TNXB: variants seen among roughly 807,000 people sequenced by gnomAD.
The protein encoded by TNXB is tenascin XB, also known as tenascin-X.
A neutral mutation model predicts 340.5 loss-of-function variants in TNXB; 183 were observed. That is an observed-to-expected ratio of 0.54 (90% CI 0.48 to 0.61). The LOEUF (loss-of-function observed/expected upper bound fraction) is 0.61, where lower values mean the gene tolerates loss of function less well. Among genes scored for constraint, TNXB ranks in the 20% least tolerant of loss-of-function variants. The pLI is 0.00. For synonymous variants in TNXB, 2,121 were observed against 2,314.5 expected, an observed-to-expected ratio of 0.92 and a Z score of 2.40; for missense variants, 4,613 against 5,446.4, an observed-to-expected ratio of 0.85 and a Z score of 4.82.
At position 32,068,510 on chromosome 6, in the gene TNXB, G is replaced by T; in HGVS notation, c.6100C>A (p.Pro2034Thr). The part of the protein sequence containing the change: ...GDGQPKAVRV[P>T]GHEEGVTISG... Reference sequence around the variant, plus strand: ...ATGGTGACCCCTTCCTCGTGCCCTGGCACCCTCACTGCCTTGGGCTGCCCA... The same window carrying T: ...ATGGTGACCCCTTCCTCGTGCCCTGTCACCCTCACTGCCTTGGGCTGCCCA... Residue 2034 changes from proline (P) to threonine (T), a missense_variant, in exon 17 of 44, where the codon CCA becomes ACA. Pro to Thr is a conservative substitution (Grantham distance 38). Transcript: ENST00000644971. The surrounding 1 kb of genome is among the most constrained non-coding windows in gnomAD (Gnocchi z 5.3). 1 of 1,613,916 alleles carries T rather than the reference G, an allele frequency of 6.2e-7. No individual in the cohort carries two copies. The highest frequency in any genetic ancestry group is 8.5e-7 in the Non-Finnish European group (1 of 1,179,902).
Position 32,043,500 on chromosome 6 carries a change from G to T in TNXB, c.11587C>A (p.Leu3863Met). 1.4e-6 allele frequency: 1 copy of T among 704,286 alleles called. No homozygotes were observed. Among genetic ancestry groups the T allele is most frequent in the South Asian group, 1.6e-5 (1 of 61,820 alleles). The allele number at this position is 704,286 out of a possible 1,614,324, so 43.6% of individuals were successfully genotyped here. Residue 3863 changes from leucine to methionine, a missense_variant, in exon 36 of 44, where the codon CTG becomes ATG. By Grantham distance (15) the Leu-to-Met change is conservative. This residue lies in a region of TNXB where 114 missense variants were observed against 104.5 expected (regional missense o/e 1.09). Coordinates refer to ENST00000644971, the MANE Select transcript of TNXB (RefSeq NM_001365276.2). ...GGATTCTGGGGGGGCTTCCAGTGCA[G>T]CACGGCGAATCCCTCGGTCAAGTTC... ...ALNLTEGFAV[L>M]HWKPPQNPVD...
Position 32,058,382 on chromosome 6 carries a change from C to T in TNXB, c.7501G>A (p.Glu2501Lys), listed in dbSNP as rs1274678608. The change falls in exon 22 of 44, where the codon GAG becomes AAG. Residue 2501 changes from glutamate (E) to lysine (K), a missense_variant. This residue lies in a region of TNXB where 4,327 missense variants were observed against 4,859.4 expected (regional missense o/e 0.89). Transcript: ENST00000644971. This position sits in a 1 kb window ranked among gnomAD's most constrained non-coding sequence, Gnocchi z 5.1. ...GGGCTGGGGGTCTCGTCCACATCCT[C>T]TTGTGGGGCTGAAAGGTAATATAGG... is the stretch of plus-strand genomic sequence containing the variant. ...VSTVGVTAPQ[E>K]DVDETPSPTE... is the part of the protein sequence containing the mutation. 1 of 1,601,152 alleles carries T rather than the reference C, an allele frequency of 6.2e-7. No individual in the cohort carries two copies. The highest frequency in any genetic ancestry group is 8.5e-7 in the Non-Finnish European group (1 of 1,174,258).
Position 32,049,605 on chromosome 6 carries a change from G to A in TNXB, c.9440-18C>T. Reference sequence around the variant, plus strand: ...CTCTTCCTCTGCAGTGGAGAAGGAGGGAGAGAGAGTGAGGGGGATGTCCTT... The same window carrying A: ...CTCTTCCTCTGCAGTGGAGAAGGAGAGAGAGAGAGTGAGGGGGATGTCCTT... On this transcript the variant is annotated intron_variant, in intron 27 of 43. Coordinates refer to ENST00000644971, the MANE Select transcript of TNXB (RefSeq NM_001365276.2). The surrounding 1 kb of genome is among the most constrained non-coding windows in gnomAD (Gnocchi z 4.5). 1 of 1,605,194 alleles carries A rather than the reference G, an allele frequency of 6.2e-7. No homozygotes were observed. Among genetic ancestry groups the A allele is most frequent in the South Asian group, 1.1e-5 (1 of 90,898 alleles).
In TNXB at chr6:32,064,785, T is replaced by A. The variant is rs892026724; in HGVS notation, c.6841+36A>T. On this transcript the variant is annotated intron_variant, in intron 19 of 43. Coordinates refer to ENST00000644971, the MANE Select transcript of TNXB (RefSeq NM_001365276.2). The surrounding 1 kb of genome is among the most constrained non-coding windows in gnomAD (Gnocchi z 5.3). ...ACAATAAAAGGGAAACTGAGTCTAG[T>A]TCAGGGCAGGGCCCAGTGCCCTACT... is the stretch of plus-strand genomic sequence containing the variant. The A allele has an allele frequency of 8.1e-6, 13 of 1,595,438 alleles. No homozygotes were observed. Among genetic ancestry groups the A allele is most frequent in the Non-Finnish European group, 1.1e-5 (13 of 1,170,572 alleles).
chr6:32,099,701 G>A (rs1456798275), intron 1 of TNXB, among the ~76,000 whole-genome samples: 1 of 149,674 alleles, frequency 6.7e-6, no homozygotes, highest in African/African-American at 2.5e-5. Flanking sequence ...CTCTCAACTG[G>A]ATCCTTGCTC....
chr6:32,088,647 C>A, intron 6 of TNXB, 138 bp downstream of exon 6: 1 of 1,275,094 alleles, frequency 7.8e-7, no homozygotes, highest in Non-Finnish European at 1.1e-6. Context: ...GAGCAAGGCC[C>A]CCAGCAGGTG....
chr6:32,088,885 C>A lies in TNXB; in HGVS notation c.2679G>T (p.Thr893=). Residue 893 remains threonine (T), a synonymous_variant, in exon 6 of 44, where the codon ACG becomes ACT. Coordinates refer to ENST00000644971, the MANE Select transcript of TNXB (RefSeq NM_001365276.2). ...RLEVPPEADG[T]LLTDLMPGVE... Reference sequence around the variant, plus strand: ...CGCCTGGCATCAGGTCAGTCAGCAGCGTCCCGTCTGCTTCAGGGGGCACTT... The same window carrying A: ...CGCCTGGCATCAGGTCAGTCAGCAGAGTCCCGTCTGCTTCAGGGGGCACTT... 6.3e-7 allele frequency: 1 copy of A among 1,588,378 alleles called. No individual in the cohort carries two copies. Among genetic ancestry groups the A allele is most frequent in the Non-Finnish European group, 8.6e-7 (1 of 1,167,500 alleles).
rs546548766 is a variant in TNXB at position 32,108,851 on chromosome 6, C to T, written c.-9+330G>A. 6.6e-6 allele frequency among the ~76,000 whole-genome samples: 1 copy of T among 152,248 alleles called. No individual in the cohort carries two copies. Among genetic ancestry groups the T allele is most frequent in the South Asian group, 2.1e-4 (1 of 4,828 alleles). On this transcript the variant is annotated intron_variant, in intron 1 of 43. Transcript: ENST00000644971. The surrounding 1 kb of genome is among the most constrained non-coding windows in gnomAD (Gnocchi z 4.8). ...GCACCTCCAGGGCCCAGGGGCTCAC[C>T]TCACCAATAACCACCTCTACCCTGG... is the stretch of plus-strand genomic sequence containing the variant.
At position 32,079,699 on chromosome 6, in the gene TNXB, C is replaced by A. The variant is rs929496048; in HGVS notation, c.4043-334G>T. Among the ~76,000 whole-genome samples the A allele has an allele frequency of 1.3e-5, 2 of 152,194 alleles. No individual in the cohort carries two copies. Among genetic ancestry groups the A allele is most frequent in the African/African-American group, 4.8e-5 (2 of 41,448 alleles). ...TGAGGCCTCTTCCTACCTGTGCCCT[C>A]CCCAGGGCACTCTGGCTGCCCCACC... On this transcript the variant is annotated intron_variant, in intron 10 of 43. Transcript: ENST00000644971. The surrounding 1 kb of genome is among the most constrained non-coding windows in gnomAD (Gnocchi z 7.1).
rs1248078921 is a variant in TNXB at position 32,065,939 on chromosome 6, C to A, written c.6545-822G>T. ...TGCTGGGATTACAAGCGTGAACCACCTCACCTGGCCATATTGTGGATTTTT... is the reference window on the plus strand; with the variant it reads ...TGCTGGGATTACAAGCGTGAACCACATCACCTGGCCATATTGTGGATTTTT... On this transcript the variant is annotated intron_variant, in intron 18 of 43. Transcript: ENST00000644971. 2.6e-5 allele frequency among the ~76,000 whole-genome samples: 4 copies of A among 152,064 alleles called. No homozygotes were observed. The East Asian group carries it at 7.7e-4, about 29-fold the overall frequency.
At chr6:32,104,284 A>C (rs1780869574) in intron 1 of TNXB, among the ~76,000 whole-genome samples, 1 of 152,160 alleles carries the variant, frequency 6.6e-6, no homozygotes, top group South Asian at 2.1e-4. Context: ...CCAATTTGTA[A>C]AACACCCCAG....
In TNXB at chr6:32,067,793, C is replaced by A. The variant is rs1013725681; in HGVS notation, c.6412G>T (p.Val2138Leu). The change falls in exon 18 of 44, where the codon GTG becomes TTG. Residue 2138 changes from valine to leucine, a missense_variant. By Grantham distance (32) the Val-to-Leu change is conservative. Transcript: ENST00000644971. The surrounding 1 kb of genome is among the most constrained non-coding windows in gnomAD (Gnocchi z 4.2). ...CTCTCCTCGCCCCCAACACGCACCACCTGGGGCCGCCCGTCCCTGTCCTTG... is the reference window on the plus strand; with the variant it reads ...CTCTCCTCGCCCCCAACACGCACCAACTGGGGCCGCCCGTCCCTGTCCTTG... ...QYKDRDGRPQ[V>L]VRVGGEESEV... 6.2e-7 allele frequency: 1 copy of A among 1,613,550 alleles called. No homozygotes were observed. Among genetic ancestry groups the A allele is most frequent in the Non-Finnish European group, 8.5e-7 (1 of 1,179,896 alleles).
chr6:32,086,016 T>C lies in TNXB; in HGVS notation c.2882A>G (p.Gln961Arg), dbSNP rs551174904. Residue 961 changes from glutamine to arginine, a missense_variant, in exon 7 of 44, where the codon CAG (glutamine) becomes CGG (arginine). Transcript: ENST00000644971. ...CAGCACCCTCAACTCTCCCAGCTCC[T>C]GGGGGCGCTGCTGCAGGAGAGGAGC... Reference protein sequence around the residue: ...AQAPLLQQRPQELGELRVLGR... With the variant: ...AQAPLLQQRPRELGELRVLGR... The C allele has an allele frequency of 2.1e-5, 33 of 1,606,302 alleles. No individual in the cohort carries two copies. The East Asian group carries it at 4.2e-4, about 21-fold the overall frequency.
At position 32,108,749 on chromosome 6, in the gene TNXB, G is replaced by A. The variant is rs570446523; in HGVS notation, c.-9+432C>T. Among the ~76,000 whole-genome samples the A allele has an allele frequency of 6.6e-6, 1 of 152,244 alleles. No homozygotes were observed. Among genetic ancestry groups the A allele is most frequent in the African/African-American group, 2.4e-5 (1 of 41,528 alleles). On this transcript the variant is annotated intron_variant, in intron 1 of 43. Coordinates refer to ENST00000644971, the MANE Select transcript of TNXB (RefSeq NM_001365276.2). The surrounding 1 kb of genome is among the most constrained non-coding windows in gnomAD (Gnocchi z 4.8). The stretch of plus-strand genomic sequence containing the variant: ...GCTCAGCTGCTCTAGCCCGACATTT[G>A]GGATTCCGCAAGCACTTTCCTTCCA...
rs149995364 is a variant in TNXB at position 32,084,439 on chromosome 6, C to T, written c.3419G>A (p.Gly1140Asp). 0.011 allele frequency: 18,137 copies of T among 1,595,588 alleles called. 307 individuals are homozygous for T. Among genetic ancestry groups the T allele is most frequent in the Admixed American group, 0.036 (2,163 of 59,844 alleles). The change falls in exon 8 of 44, where the codon GGT (glycine) becomes GAT (aspartate). Residue 1140 changes from glycine (G) to aspartate (D), a missense_variant. This residue lies in a region of TNXB where 4,327 missense variants were observed against 4,859.4 expected (regional missense o/e 0.89). Transcript: ENST00000644971. This position sits in a 1 kb window ranked among gnomAD's most constrained non-coding sequence, Gnocchi z 5.5. Reference sequence around the variant, plus strand: ...GATCTTGGCTTCAGCCACCAGCGGACCATGCCTCTTCTTGCCAACAAACCC... The same window carrying T: ...GATCTTGGCTTCAGCCACCAGCGGATCATGCCTCTTCTTGCCAACAAACCC... ...LYGFVGKKRHGPLVAEAKILP... is the reference protein window; with the variant it reads ...LYGFVGKKRHDPLVAEAKILP...
In TNXB at chr6:32,085,550, T is replaced by G. The variant is rs534132438; in HGVS notation, c.3148+200A>C. Among the ~76,000 whole-genome samples, 1 of 152,262 alleles carries G rather than the reference T, an allele frequency of 6.6e-6. No individual in the cohort carries two copies. Among genetic ancestry groups the G allele is most frequent in the South Asian group, 2.1e-4 (1 of 4,814 alleles). The stretch of plus-strand genomic sequence containing the variant: ...TTTCCCCTCTCCCCACCCATCCTTA[T>G]CATTGTTTTAAGATCCCCCTCGATC... On this transcript the variant is annotated intron_variant, in intron 7 of 43. Coordinates refer to ENST00000644971, the MANE Select transcript of TNXB (RefSeq NM_001365276.2). This position sits in a 1 kb window ranked among gnomAD's most constrained non-coding sequence, Gnocchi z 6.4.
chr6:32,064,796 G>A lies in TNXB; in HGVS notation c.6841+25C>T, dbSNP rs1778231419. The stretch of plus-strand genomic sequence containing the variant: ...GAAACTGAGTCTAGTTCAGGGCAGG[G>A]CCCAGTGCCCTACTGCACACTCACC... On this transcript the variant is annotated intron_variant, in intron 19 of 43. Coordinates refer to ENST00000644971, the MANE Select transcript of TNXB (RefSeq NM_001365276.2). The surrounding 1 kb of genome is among the most constrained non-coding windows in gnomAD (Gnocchi z 5.3). 1.9e-6 allele frequency: 3 copies of A among 1,602,654 alleles called. No individual in the cohort carries two copies. Among genetic ancestry groups the A allele is most frequent in the Admixed American group, 1.7e-5 (1 of 59,902 alleles).
Position 32,043,764 on chromosome 6 carries a change from C to G in TNXB, c.11515G>C (p.Gly3839Arg), listed in dbSNP as rs561108689. 5.6e-6 allele frequency: 9 copies of G among 1,613,512 alleles called. No individual in the cohort carries two copies. In the East Asian group the frequency reaches 6.7e-5, roughly 12 times the overall value. The change falls in exon 35 of 44, where the codon GGC becomes CGC. Residue 3839 changes from glycine (G) to arginine (R), a missense_variant. This residue lies in a region of TNXB where 114 missense variants were observed against 104.5 expected (regional missense o/e 1.09). Transcript: ENST00000644971. ...RGFEESEPLT[G>R]FLTTVPDGPT... Reference sequence around the variant, plus strand: ...TCCATCTCACCCGTGGTGAGGAAGCCTGTGAGAGGCTCACTCTCCTCAAAG... The same window carrying G: ...TCCATCTCACCCGTGGTGAGGAAGCGTGTGAGAGGCTCACTCTCCTCAAAG...
chr6:32,057,106 C>T (rs2151902385), intron 22 of TNXB, among the ~76,000 whole-genome samples: 1 of 151,960 alleles, frequency 6.6e-6, no homozygotes, highest in East Asian at 1.9e-4. Flanking sequence ...CCCCACCTCA[C>T]CCCCACCTCC....
Sources: allele counts gnomAD v4.1 joint callset (sites outside exome capture counted in the v4.1 genomes callset), GRCh38; gene constraint gnomAD v4.1.1; regional missense constraint gnomAD v4.1.1; non-coding constraint Gnocchi (gnomAD v3.1); transcripts MANE v1.5; gene names NCBI Gene and HGNC (gene_info 2026-07-23, HGNC 2026-07-21).